The following CUX2 variants were observed in gnomAD, a reference collection of about 807,000 sequenced individuals.
The protein encoded by CUX2 is homeobox protein cut-like 2.
CUX2 carries 40 observed loss-of-function variants against 144.8 expected under a neutral mutation model. The observed-to-expected ratio is 0.28, with a 90% CI of 0.21 to 0.36. CUX2 has a LOEUF of 0.36. CUX2 is among the 10% of genes least tolerant of loss of function. The pLI is 1.00. For synonymous variants in CUX2, 827 were observed against 875.6 expected, an observed-to-expected ratio of 0.94 and a Z score of 0.98; for missense variants, 1,615 against 1,994.0, an observed-to-expected ratio of 0.81 and a Z score of 3.62.
Position 111,061,484 on chromosome 12 carries a change from A to G in CUX2, c.63+27244A>G, listed in dbSNP as rs113718583. On this transcript the variant is annotated intron_variant, in intron 1 of 21. Coordinates refer to ENST00000261726, the MANE Select transcript of CUX2 (RefSeq NM_015267.4). The surrounding 1 kb of genome is among the most constrained non-coding windows in gnomAD (Gnocchi z 4.2). ...GCATTATGGAAGACAAAGTCGCCCC[A>G]TTATCGGAGGGCTTTACAAATAGAG... Among the ~76,000 whole-genome samples the G allele has an allele frequency of 8.4e-3, 1,284 of 152,288 alleles. 25 individuals are homozygous for G. The highest frequency in any genetic ancestry group is 0.029 in the African/African-American group (1,194 of 41,552).
chr12:111,075,216 A>C (rs542606891), intron 1 of CUX2, among the ~76,000 whole-genome samples: 1 of 152,238 alleles, frequency 6.6e-6, no homozygotes, highest in East Asian at 1.9e-4. Flanking sequence ...GAGCCGTCAG[A>C]CCGCAGCCAA....
At chr12:111,305,342 C>T (rs1447260229) in intron 10 of CUX2, among the ~76,000 whole-genome samples, 3 of 152,202 alleles carry the variant, frequency 2.0e-5, no homozygotes, top group African/African-American at 7.2e-5. Flanking sequence ...TTTCACTTCA[C>T]CTGACACCCA....
At chr12:111,181,928 AT>A (rs1436278161) in intron 1 of CUX2, among the ~76,000 whole-genome samples, 4 of 152,128 alleles carry the variant, frequency 2.6e-5, no homozygotes, top group African/African-American at 9.7e-5. Context: ...TGGATGAAAT[AT>A]TTGGTTGGCA....
rs1227729827 is a variant in CUX2 at position 111,320,870 on chromosome 12, C to T, written c.2766+95C>T. 1.5e-6 allele frequency: 2 copies of T among 1,308,964 alleles called. No homozygotes were observed. The highest frequency in any genetic ancestry group is 1.5e-5 in the African/African-American group (1 of 64,652). 81.1% of individuals were successfully genotyped at this position (1,308,964 alleles called of 1,614,324 possible). On this transcript the variant is annotated intron_variant, in intron 17 of 21. Transcript: ENST00000261726. The surrounding 1 kb of genome is among the most constrained non-coding windows in gnomAD (Gnocchi z 8.1). The stretch of plus-strand genomic sequence containing the variant: ...AAGCAGGCTGGCGGGACCCCAGGGG[C>T]CCAGGCCCTTCATTCCTGAGTCCTG...
rs1033461612 is a variant in CUX2, at chr12:111,068,149, T to A, written c.63+33909T>A. ...CCACACCTGCTTCGTTCTGCATAGTTCTCCCCGCTTTATCTTTGATCTCAA... is the reference window on the plus strand; with the variant it reads ...CCACACCTGCTTCGTTCTGCATAGTACTCCCCGCTTTATCTTTGATCTCAA... On this transcript the variant is annotated intron_variant, in intron 1 of 21. Transcript: ENST00000261726. The surrounding 1 kb of genome is among the most constrained non-coding windows in gnomAD (Gnocchi z 4.9). Among the ~76,000 whole-genome samples the A allele has an allele frequency of 1.3e-5, 2 of 152,082 alleles. No individual in the cohort carries two copies. Among genetic ancestry groups the A allele is most frequent in the East Asian group, 3.9e-4 (2 of 5,176 alleles).
chr12:111,198,032 A>C (rs1350192688), intron 1 of CUX2, among the ~76,000 whole-genome samples: 1 of 152,116 alleles, frequency 6.6e-6, no homozygotes, highest in East Asian at 1.9e-4. Context: ...CCCACCCTGG[A>C]CCCTAAAGTG....
intron 1 of CUX2, among the ~76,000 whole-genome samples, chr12:111,064,147 G>A (rs1445438550): frequency 6.6e-6 from 1 of 152,190 alleles, no homozygotes. Context: ...GGGCAGGAAA[G>A]ACCCTGGGCC....
rs1453897616 is a variant in CUX2, at chr12:111,186,878, G to A, written c.64-27322G>A. Among the ~76,000 whole-genome samples, 7 of 151,432 alleles carry A rather than the reference G, an allele frequency of 4.6e-5. No homozygotes were observed. The highest frequency in any genetic ancestry group is 3.3e-4 in the Admixed American group (5 of 15,210). On this transcript the variant is annotated intron_variant, in intron 1 of 21. Transcript: ENST00000261726. The surrounding 1 kb of genome is among the most constrained non-coding windows in gnomAD (Gnocchi z 4.4). ...ATTGCAACCTCCACCTCCTGGGTTC[G>A]AGTGATTCTCCTGCCTCAGCCTCCT...
intron 1 of CUX2, among the ~76,000 whole-genome samples, chr12:111,203,307 G>T (rs1314243572): frequency 1.3e-5 from 2 of 151,626 alleles, no homozygotes; most frequent in African/African-American, 2.4e-5. Flanking sequence ...CACTTCAGGA[G>T]GCTGAGCCAG....
intron 1 of CUX2, among the ~76,000 whole-genome samples, chr12:111,154,183 A>G (rs1290646381): frequency 6.6e-6 from 1 of 151,810 alleles, no homozygotes; most frequent in Non-Finnish European, 1.5e-5. Flanking sequence ...AGCCTGTGTG[A>G]TTGCAGCAGG....
intron 1 of CUX2, chr12:111,099,693 A>C (rs1873084496): frequency 2.2e-6 from 1 of 456,612 alleles, no homozygotes; most frequent in African/African-American, 2.0e-5. Context: ...TGGGGCTCCC[A>C]GTCTCTCTGA....
chr12:111,216,994 T>C (rs1881570609), intron 2 of CUX2, among the ~76,000 whole-genome samples: 1 of 152,204 alleles, frequency 6.6e-6, no homozygotes, highest in Admixed American at 6.5e-5. Context: ...TTGTGGCTGA[T>C]TGTGATGGGG....
intron 1 of CUX2, among the ~76,000 whole-genome samples, chr12:111,115,467 A>G (rs770184991): frequency 1.6e-4 from 24 of 151,746 alleles, no homozygotes; most frequent in Non-Finnish European, 2.5e-4. Context: ...CTGTGTTTTT[A>G]GTAGAGATGG....
chr12:111,206,307 G>T (rs1880917175), intron 1 of CUX2, among the ~76,000 whole-genome samples: 1 of 152,190 alleles, frequency 6.6e-6, no homozygotes. Context: ...ACGCCAGGCT[G>T]GACTACAAAG....
intron 4 of CUX2, among the ~76,000 whole-genome samples, chr12:111,284,892 A>T (rs1885296635): frequency 6.6e-6 from 1 of 152,154 alleles, no homozygotes; most frequent in Non-Finnish European, 1.5e-5. Flanking sequence ...GACAAACCTT[A>T]GAGCCTGTTT....
At chr12:111,176,131 A>T (rs933627613) in intron 1 of CUX2, among the ~76,000 whole-genome samples, 2 of 142,594 alleles carry the variant, frequency 1.4e-5, no homozygotes, top group Non-Finnish European at 3.0e-5. Flanking sequence ...AGCTCACTGC[A>T]TCCTCAAACT....
rs557978772 is a variant in CUX2, at chr12:111,086,464, A to G, written c.63+52224A>G. ...TCAGCATTTAGGCCTTTCATAGTTA[A>G]TGAGGAACTGTCCAATTTATCTTAG... On this transcript the variant is annotated intron_variant, in intron 1 of 21. Coordinates refer to ENST00000261726, the MANE Select transcript of CUX2 (RefSeq NM_015267.4). Among the ~76,000 whole-genome samples the G allele has an allele frequency of 2.8e-4, 43 of 152,360 alleles. No individual in the cohort carries two copies. The South Asian group carries it at 3.9e-3, about 14-fold the overall frequency.
intron 1 of CUX2, among the ~76,000 whole-genome samples, chr12:111,041,243 G>T (rs1216968043): frequency 4.6e-5 from 7 of 152,246 alleles, no homozygotes; most frequent in African/African-American, 1.7e-4. Flanking sequence ...CTTTGAACAT[G>T]AAAGTGTTTA....
chr12:111,164,030 G>C (rs1005711216), intron 1 of CUX2, among the ~76,000 whole-genome samples: 1 of 152,164 alleles, frequency 6.6e-6, no homozygotes, highest in Admixed American at 6.5e-5. Context: ...TAGGGCATAG[G>C]GTGAGTTAAA....
Sources: allele counts gnomAD v4.1 joint callset (sites outside exome capture counted in the v4.1 genomes callset), GRCh38; gene constraint gnomAD v4.1.1; non-coding constraint Gnocchi (gnomAD v3.1); transcripts MANE v1.5; gene names NCBI Gene and HGNC (gene_info 2026-07-23, HGNC 2026-07-21).